PLCXD3: variants seen among roughly 807,000 people sequenced by gnomAD.
PLCXD3 encodes phosphatidylinositol specific phospholipase C X domain containing 3.
In PLCXD3, 19 loss-of-function variants were observed where a neutral mutation model predicts 25.5. That is an observed-to-expected ratio of 0.75 (90% CI 0.52 to 1.09). PLCXD3 has a LOEUF of 1.09. Among genes scored for constraint, PLCXD3 ranks in the 50% least tolerant of loss-of-function variants. PLCXD3 has a pLI of 0.00. For missense variants in PLCXD3, 411 were observed against 388.1 expected, an observed-to-expected ratio of 1.06 and a Z score of -0.50; for synonymous variants, 174 against 137.6, an observed-to-expected ratio of 1.26 and a Z score of -1.85.
At chr5:41,422,305 GAGC>G (rs1746847912) in intron 1 of PLCXD3, among the ~76,000 whole-genome samples, 1 of 152,158 alleles carries the variant, frequency 6.6e-6, no homozygotes, top group Admixed American at 6.5e-5. Context: ...TCTCCTTGAG[GAGC>G]ATAATGTGGA....
At chr5:41,471,615 C>A (rs1306131819) in intron 1 of PLCXD3, among the ~76,000 whole-genome samples, 1 of 151,984 alleles carries the variant, frequency 6.6e-6, no homozygotes, top group Non-Finnish European at 1.5e-5. Context: ...TGTTAATGAG[C>A]AATAAGAAAT....
chr5:41,480,481 G>C (rs747036843), intron 1 of PLCXD3, among the ~76,000 whole-genome samples: 10 of 151,288 alleles, frequency 6.6e-5, no homozygotes, highest in Non-Finnish European at 1.3e-4. Context: ...CAGGGGTTGG[G>C]TACAGAGAAA....
intron 1 of PLCXD3, among the ~76,000 whole-genome samples, chr5:41,417,359 C>A (rs2150505101): frequency 6.6e-6 from 1 of 152,296 alleles, no homozygotes; most frequent in Middle Eastern, 3.4e-3. Flanking sequence ...GGAGCCCCAG[C>A]TGATTTTTGG....
rs149662515 is a variant in PLCXD3 at position 41,352,216 on chromosome 5, T to A, written c.812+29610A>T. Among the ~76,000 whole-genome samples, 3 of 152,232 alleles carry A rather than the reference T, an allele frequency of 2.0e-5. No individual in the cohort carries two copies. The East Asian group carries it at 5.8e-4, about 29-fold the overall frequency. On this transcript the variant is annotated intron_variant, in intron 2 of 2. Transcript: ENST00000377801. ...AACTTCTTGTCACTTCATCCGGCCC[T>A]CCCCCATATGAGTTTAGTTTAAGAC...
intron 1 of PLCXD3, among the ~76,000 whole-genome samples, chr5:41,496,872 C>A (rs192191693): frequency 6.6e-6 from 1 of 151,378 alleles, no homozygotes; most frequent in Non-Finnish European, 1.5e-5. Context: ...TTAAAAATAA[C>A]TTATAGCTAG....
chr5:41,388,788 G>A (rs1388793080), intron 1 of PLCXD3, among the ~76,000 whole-genome samples: 1 of 151,760 alleles, frequency 6.6e-6, no homozygotes, highest in African/African-American at 2.4e-5. Context: ...AAATTACCAA[G>A]AAGACTACCT....
At chr5:41,475,121 G>C (rs1748251872) in intron 1 of PLCXD3, among the ~76,000 whole-genome samples, 1 of 152,034 alleles carries the variant, frequency 6.6e-6, no homozygotes, top group African/African-American at 2.4e-5. Flanking sequence ...CAAAAAGATG[G>C]TATGTACCAA....
rs1743049390 is a variant in PLCXD3, at chr5:41,308,313, T to A, written c.*5304A>T. 1 of 152,182 alleles carries A rather than the reference T, an allele frequency of 6.6e-6. No individual in the cohort carries two copies. Among genetic ancestry groups the A allele is most frequent in the African/African-American group, 2.4e-5 (1 of 41,442 alleles). The allele number at this position is 152,182 out of a possible 1,614,324, so 9.4% of individuals were successfully genotyped here. A position where few individuals can be genotyped will look rare whatever the true frequency, so the allele number is the denominator to read the frequency against. ...TAAAGTGAAAGTATGTCTGATTAAA[T>A]ATATGAGAAATATGCTAAAGAAATA... is the stretch of plus-strand genomic sequence containing the variant. On this transcript the variant is annotated 3_prime_UTR_variant, in exon 3 of 3. Coordinates refer to ENST00000377801, the MANE Select transcript of PLCXD3 (RefSeq NM_001005473.3).
chr5:41,461,310 TTTTC>T (rs1378947709), intron 1 of PLCXD3, among the ~76,000 whole-genome samples: 1 of 152,000 alleles, frequency 6.6e-6, no homozygotes, highest in Non-Finnish European at 1.5e-5. Context: ...CTGAAACATT[TTTTC>T]TTTCTTTCTT....
chr5:41,335,637 T>A (rs902221904), intron 2 of PLCXD3, among the ~76,000 whole-genome samples: 1 of 152,134 alleles, frequency 6.6e-6, no homozygotes, highest in Non-Finnish European at 1.5e-5. Context: ...AGGTCCTTGA[T>A]GGTGAGATCC....
chr5:41,472,366 A>G (rs1169469951), intron 1 of PLCXD3, among the ~76,000 whole-genome samples: 1 of 152,180 alleles, frequency 6.6e-6, no homozygotes, highest in Non-Finnish European at 1.5e-5. Flanking sequence ...ATTGGGAAAA[A>G]CATCTATTTT....
chr5:41,508,095 A>G (rs1749091122), intron 1 of PLCXD3, among the ~76,000 whole-genome samples: 1 of 152,196 alleles, frequency 6.6e-6, no homozygotes, highest in African/African-American at 2.4e-5. Flanking sequence ...ATTTTTTCTC[A>G]CAAGTATTGG....
chr5:41,491,374 T>C (rs1411714148), intron 1 of PLCXD3, among the ~76,000 whole-genome samples: 2 of 152,208 alleles, frequency 1.3e-5, no homozygotes, highest in African/African-American at 2.4e-5. Flanking sequence ...AATTTTGGAA[T>C]AGGTGTGGTG....
intron 1 of PLCXD3, among the ~76,000 whole-genome samples, chr5:41,493,803 G>A (rs1038328123): frequency 1.3e-5 from 2 of 152,212 alleles, no homozygotes; most frequent in African/African-American, 2.4e-5. Context: ...CGCAGTATTG[G>A]GGTGGGAGTG....
intron 1 of PLCXD3, among the ~76,000 whole-genome samples, chr5:41,493,066 C>T (rs1415553786): frequency 2.6e-5 from 4 of 152,100 alleles, no homozygotes. Context: ...GTGGTTTTAT[C>T]TACTTTTGGT....
chr5:41,398,280 G>A (rs1458064669), intron 1 of PLCXD3, among the ~76,000 whole-genome samples: 1 of 152,196 alleles, frequency 6.6e-6, no homozygotes, highest in African/African-American at 2.4e-5. Flanking sequence ...TTTTGTGATA[G>A]TGAGTGAGTC....
chr5:41,380,879 G>A (rs898888502), intron 2 of PLCXD3, among the ~76,000 whole-genome samples: 5 of 152,196 alleles, frequency 3.3e-5, no homozygotes, highest in African/African-American at 1.2e-4. Context: ...TGTCACACTC[G>A]CAGGAAAAAC....
At chr5:41,506,144 T>A (rs1365534401) in intron 1 of PLCXD3, among the ~76,000 whole-genome samples, 4 of 152,202 alleles carry the variant, frequency 2.6e-5, no homozygotes, top group African/African-American at 9.7e-5. Flanking sequence ...ATGCTGATGA[T>A]GTTGGTCCCT....
intron 1 of PLCXD3, among the ~76,000 whole-genome samples, chr5:41,419,011 G>A (rs1746755809): frequency 6.6e-6 from 1 of 152,120 alleles, no homozygotes; most frequent in South Asian, 2.1e-4. Flanking sequence ...AGTGACTGAG[G>A]CCACAGCCCT....
Sources: allele counts gnomAD v4.1 joint callset (sites outside exome capture counted in the v4.1 genomes callset), GRCh38; gene constraint gnomAD v4.1.1; transcripts MANE v1.5; gene names NCBI Gene and HGNC (gene_info 2026-07-23, HGNC 2026-07-21).